The following EYS variants were observed in gnomAD, a reference collection of about 807,000 sequenced individuals.
The protein encoded by EYS is protein eyes shut homolog.
EYS carries 250 observed loss-of-function variants against 282.1 expected under a neutral mutation model. The observed-to-expected ratio is 0.89, with a 90% CI of 0.80 to 0.98. The LOEUF is 0.98. EYS is among the 50% of genes least tolerant of loss of function. The probability of loss-of-function intolerance (pLI) is 0.00; values close to 1 mark genes in which losing one functional copy is unlikely to be tolerated. For missense variants in EYS, 4,016 were observed against 3,709.0 expected, an observed-to-expected ratio of 1.08 and a Z score of -2.15; for synonymous variants, 1,355 against 1,282.9, an observed-to-expected ratio of 1.06 and a Z score of -1.20.
At chr6:63,982,929 T>G (rs2149791184) in intron 35 of EYS, among the ~76,000 whole-genome samples, 1 of 151,962 alleles carries the variant, frequency 6.6e-6, no homozygotes, top group Non-Finnish European at 1.5e-5. Flanking sequence ...TAGAGAAGGT[T>G]TTTTCCCGTT....
chr6:64,366,705 A>T (rs1346115039), intron 29 of EYS, among the ~76,000 whole-genome samples: 1 of 152,032 alleles, frequency 6.6e-6, no homozygotes, highest in Non-Finnish European at 1.5e-5. Context: ...GAGAACAGGG[A>T]TCCTGAGTGA....
intron 22 of EYS, among the ~76,000 whole-genome samples, chr6:64,646,357 A>G (rs1352217073): frequency 6.6e-6 from 1 of 152,190 alleles, no homozygotes; most frequent in African/African-American, 2.4e-5. Flanking sequence ...CATTCATTGG[A>G]TTCATTATGA....
intron 31 of EYS, among the ~76,000 whole-genome samples, chr6:64,123,874 A>G (rs1773675136): frequency 1.3e-5 from 2 of 152,224 alleles, no homozygotes; most frequent in Non-Finnish European, 2.9e-5. Flanking sequence ...AAAATTTTGC[A>G]GAGTTCCCAT....
chr6:65,338,889 C>A (rs1284917459), intron 10 of EYS, among the ~76,000 whole-genome samples: 5 of 151,140 alleles, frequency 3.3e-5, no homozygotes, highest in African/African-American at 1.2e-4. Flanking sequence ...AACATACTTA[C>A]AGAAAATGTT....
intron 37 of EYS, among the ~76,000 whole-genome samples, chr6:63,804,256 T>C (rs1337275614): frequency 6.6e-6 from 1 of 152,144 alleles, no homozygotes; most frequent in Non-Finnish European, 1.5e-5. Context: ...CCTCAGGTGA[T>C]CCACCCACCT....
intron 29 of EYS, among the ~76,000 whole-genome samples, chr6:64,360,484 C>T (rs1490245087): frequency 6.6e-6 from 1 of 151,540 alleles, no homozygotes; most frequent in African/African-American, 2.4e-5. Flanking sequence ...TCTTGGTACA[C>T]TAGACTTGGT....
rs563767893 is a variant in EYS at position 64,240,788 on chromosome 6, G to A, written c.6192-9964C>T. Among the ~76,000 whole-genome samples the A allele has an allele frequency of 3.3e-5, 5 of 152,216 alleles. No homozygotes were observed. In the South Asian group the frequency reaches 6.2e-4, roughly 19 times the overall value. On this transcript the variant is annotated intron_variant, in intron 30 of 42. Transcript: ENST00000503581. ...CCCTGGCCAGAACTTCCAATACTAC[G>A]TTGAATAGGGGTGGTGAGAGAGGGC...
At chr6:63,999,253 A>C (rs1418675328) in intron 33 of EYS, 70 bp from the exon 34 acceptor site, 29 of 940,146 alleles carry the variant, frequency 3.1e-5, no homozygotes, top group Non-Finnish European at 4.6e-5. Flanking sequence ...TCACACATGG[A>C]TAGTAAGTAC....
At position 64,502,438 on chromosome 6, in the gene EYS, G is replaced by C. The variant is rs372349312; in HGVS notation, c.5645-63086C>G. ...GGGTTTCACCGTATTAGCCAGGATG[G>C]TCTCGATCTCCTGACCTCGTGATCC... On this transcript the variant is annotated intron_variant, in intron 26 of 42. Transcript: ENST00000503581. Among the ~76,000 whole-genome samples the C allele has an allele frequency of 3.3e-5, 5 of 152,210 alleles. No homozygotes were observed. In the East Asian group the frequency reaches 9.7e-4, roughly 29 times the overall value.
chr6:64,359,462 G>A (rs1390668558), intron 29 of EYS, among the ~76,000 whole-genome samples: 1 of 151,636 alleles, frequency 6.6e-6, no homozygotes, highest in Non-Finnish European at 1.5e-5. Flanking sequence ...TATGTCATTT[G>A]TTCTTAGACT....
chr6:64,922,182 A>G (rs1768366388), intron 15 of EYS, among the ~76,000 whole-genome samples: 2 of 152,194 alleles, frequency 1.3e-5, no homozygotes, highest in Admixed American at 1.3e-4. Context: ...CCTCTGTCAC[A>G]CACATACACA....
chr6:64,082,519 A>G (rs1029416304), intron 31 of EYS, among the ~76,000 whole-genome samples: 1 of 152,156 alleles, frequency 6.6e-6, no homozygotes, highest in Non-Finnish European at 1.5e-5. Flanking sequence ...ACAAACATCA[A>G]GATATACACT....
chr6:64,837,403 C>T (rs1361583702), intron 19 of EYS, among the ~76,000 whole-genome samples: 2 of 151,146 alleles, frequency 1.3e-5, no homozygotes, highest in African/African-American at 4.8e-5. Context: ...GAAATCTTTT[C>T]CCCTAAGAAC....
intron 5 of EYS, among the ~76,000 whole-genome samples, chr6:65,473,062 T>C (rs1262038405): frequency 1.3e-5 from 2 of 151,882 alleles, no homozygotes; most frequent in Admixed American, 1.3e-4. Flanking sequence ...ATATAGCAAA[T>C]AATGAATCCA....
chr6:65,558,395 TGGGAGTGCGGAGAGGCCAGAGA>T (rs1768902162), intron 2 of EYS, among the ~76,000 whole-genome samples: 1 of 152,202 alleles, frequency 6.6e-6, no homozygotes. Flanking sequence ...GAGCAGGCAT[TGGGAGTGCGGAGAGGCCAGAGA>T]CCAGGAGCAG....
intron 22 of EYS, among the ~76,000 whole-genome samples, chr6:64,676,769 C>T (rs1167519871): frequency 6.6e-6 from 1 of 152,038 alleles, no homozygotes; most frequent in East Asian, 1.9e-4. Flanking sequence ...CATAGATGGC[C>T]TTCTTTTCAC....
intron 13 of EYS, among the ~76,000 whole-genome samples, chr6:65,025,368 T>C (rs1454684268): frequency 6.6e-6 from 1 of 152,238 alleles, no homozygotes; most frequent in Middle Eastern, 3.4e-3. Flanking sequence ...ATAATGAAAA[T>C]GAATTGATTT....
At chr6:65,570,079 G>A (rs1307322168) in intron 2 of EYS, among the ~76,000 whole-genome samples, 4 of 151,782 alleles carry the variant, frequency 2.6e-5, no homozygotes, top group African/African-American at 9.7e-5. Flanking sequence ...CTCAATGCCT[G>A]GCAGGTTTTC....
intron 33 of EYS, among the ~76,000 whole-genome samples, chr6:64,028,178 TG>T (rs1172528570): frequency 6.6e-6 from 1 of 152,174 alleles, no homozygotes; most frequent in Non-Finnish European, 1.5e-5. Context: ...GTCCCCTACT[TG>T]AGGAGGGAAT....
Sources: allele counts gnomAD v4.1 joint callset (sites outside exome capture counted in the v4.1 genomes callset), GRCh38; gene constraint gnomAD v4.1.1; transcripts MANE v1.5; gene names NCBI Gene and HGNC (gene_info 2026-07-23, HGNC 2026-07-21).